The following AP2A2 variants were observed in gnomAD, a reference collection of about 807,000 sequenced individuals.
AP2A2 encodes the protein AP-2 complex subunit alpha-2.
Under a neutral mutation model 104.2 loss-of-function variants are expected in AP2A2, and 32 were observed. The ratio of observed to expected loss-of-function variants is 0.31; its 90% CI spans 0.23 to 0.41. The LOEUF is 0.41. Ranked by LOEUF, AP2A2 falls within the 10% of genes least tolerant of loss-of-function variation. The probability of loss-of-function intolerance (pLI) is 1.00; values close to 1 mark genes in which losing one functional copy is unlikely to be tolerated. For synonymous variants in AP2A2, 539 were observed against 533.3 expected (o/e 1.01, Z -0.15); for missense variants, 912 against 1,261.0 (o/e 0.72, Z 4.19).
In AP2A2 at chr11:1,011,620, AGT is replaced by A. The variant is rs1350265499; in HGVS notation, c.*997_*998del. 1.0e-5 allele frequency: 4 copies of A among 397,054 alleles called. No homozygotes were observed. The highest frequency in any genetic ancestry group is 2.0e-5 in the Non-Finnish European group (4 of 197,054). 24.6% of individuals were successfully genotyped at this position (397,054 alleles called of 1,614,324 possible). On this transcript the variant is annotated 3_prime_UTR_variant, in exon 22 of 22. Transcript: ENST00000448903. ...ACGTCTGACACCTGAGAGGCGAGAGAGTGGGGCCGGCCTAGGAGCCAAGGCTG... is the reference window on the plus strand; with the variant it reads ...ACGTCTGACACCTGAGAGGCGAGAGAGGGGCCGGCCTAGGAGCCAAGGCTG...
Position 925,981 on chromosome 11 carries a change from G to C in AP2A2, c.-41G>C. On this transcript the variant is annotated 5_prime_UTR_variant, in exon 1 of 22. Transcript: ENST00000448903. ...CGCTTCCCGCTCCCCGCGCTCCTCC[G>C]CCCGGGTCCGCCAGCCGAGGCCGCT... 2.2e-6 allele frequency: 3 copies of C among 1,377,318 alleles called. No individual in the cohort carries two copies. Among genetic ancestry groups the C allele is most frequent in the Non-Finnish European group, 2.9e-6 (3 of 1,048,918 alleles). 85.3% of individuals were successfully genotyped at this position (1,377,318 alleles called of 1,614,324 possible).
chr11:947,131 C>T (rs1305391557), intron 1 of AP2A2, among the ~76,000 whole-genome samples: 3 of 151,724 alleles, frequency 2.0e-5, no homozygotes, highest in African/African-American at 7.3e-5. Flanking sequence ...CTGCCTTAGC[C>T]TTTTGAGTAG....
chr11:940,575 C>A (rs564388483), intron 1 of AP2A2, among the ~76,000 whole-genome samples: 1 of 152,286 alleles, frequency 6.6e-6, no homozygotes, highest in South Asian at 2.1e-4. Context: ...ACCCAAGTGC[C>A]CCTTTTTTGG....
rs1192478453 is a variant in AP2A2 at position 1,011,513 on chromosome 11, A to G, written c.*888A>G. The G allele has an allele frequency of 4.1e-6, 2 of 492,162 alleles. No individual in the cohort carries two copies. The highest frequency in any genetic ancestry group is 1.5e-5 in the South Asian group (1 of 68,032). 30.5% of individuals were successfully genotyped at this position (492,162 alleles called of 1,614,324 possible). ...GAGGGACGCCTCTGTGTGGTCAGGA[A>G]GTGAAGGGGCCATTGGCCGCATGCC... On this transcript the variant is annotated 3_prime_UTR_variant, in exon 22 of 22. Coordinates refer to ENST00000448903, the MANE Select transcript of AP2A2 (RefSeq NM_012305.4).
At chr11:927,215 CCAT>C (rs1272575449) in intron 1 of AP2A2, among the ~76,000 whole-genome samples, 1 of 150,506 alleles carries the variant, frequency 6.6e-6, no homozygotes, top group Non-Finnish European at 1.5e-5. Context: ...TGCACCACCA[CCAT>C]GCCTGGCTGA....
intron 6 of AP2A2, among the ~76,000 whole-genome samples, chr11:983,641 T>C (rs75235548): frequency 0.038 from 5,774 of 152,030 alleles, 136 homozygotes; most frequent in African/African-American, 0.058. Context: ...CCTTGGCCTC[T>C]CAAAGTGCTG....
chr11:956,349 G>C (rs1431758154), intron 1 of AP2A2, among the ~76,000 whole-genome samples: 2 of 152,094 alleles, frequency 1.3e-5, no homozygotes, highest in African/African-American at 4.8e-5. Flanking sequence ...TTTTAGTAGA[G>C]ACGGGGTTTC....
intron 10 of AP2A2, among the ~76,000 whole-genome samples, chr11:990,280 C>T (rs570692453): frequency 7.9e-5 from 12 of 152,254 alleles, no homozygotes; most frequent in East Asian, 3.9e-4. Flanking sequence ...GGGCAGGCAC[C>T]GTGGTGTAGG....
intron 1 of AP2A2, chr11:956,860 C>G (rs1168443717): frequency 1.3e-5 from 2 of 152,216 alleles, no homozygotes; most frequent in Non-Finnish European, 2.9e-5. Context: ...CACTACAACA[C>G]AGAAGACTTC....
chr11:928,132 C>T (rs762586722), intron 1 of AP2A2, among the ~76,000 whole-genome samples: 5 of 152,178 alleles, frequency 3.3e-5, no homozygotes, highest in South Asian at 2.1e-4. Context: ...GACAGGATGG[C>T]GCCTACCACA....
intron 2 of AP2A2, among the ~76,000 whole-genome samples, chr11:966,493 G>A (rs1403324181): frequency 1.3e-5 from 2 of 152,194 alleles, no homozygotes; most frequent in African/African-American, 4.8e-5. Flanking sequence ...GGGAGACCTT[G>A]TCTCCAGACA....
At chr11:999,826 T>C (rs1457947720) in intron 14 of AP2A2, among the ~76,000 whole-genome samples, 11 of 142,374 alleles carry the variant, frequency 7.7e-5, no homozygotes, top group Non-Finnish European at 1.4e-4. Flanking sequence ...TTTTTTGAGA[T>C]GGAGTCTCGC....
intron 1 of AP2A2, among the ~76,000 whole-genome samples, chr11:943,787 G>A (rs540979778): frequency 4.5e-5 from 6 of 134,188 alleles, no homozygotes; most frequent in African/African-American, 1.4e-4. Flanking sequence ...AGAGAGTCCC[G>A]ACCGGAGACG....
At chr11:963,120 G>A (rs764228057) in intron 2 of AP2A2, among the ~76,000 whole-genome samples, 2 of 151,554 alleles carry the variant, frequency 1.3e-5, no homozygotes, top group African/African-American at 4.9e-5. Flanking sequence ...CTAAAATTTC[G>A]TTGTAATCAA....
At chr11:936,576 T>C (rs1279602888) in intron 1 of AP2A2, among the ~76,000 whole-genome samples, 1 of 151,882 alleles carries the variant, frequency 6.6e-6, no homozygotes, top group African/African-American at 2.4e-5. Context: ...TTTGTAGAAA[T>C]GGGGTCTTGC....
intron 1 of AP2A2, among the ~76,000 whole-genome samples, chr11:944,805 T>C (rs1266385353): frequency 7.2e-6 from 1 of 139,830 alleles, no homozygotes; most frequent in Non-Finnish European, 1.5e-5. Context: ...GGATGACTGC[T>C]GCACGGAAGA....
At chr11:956,849 CCACTACAA>C (rs1253509163) in intron 1 of AP2A2, 1 of 152,158 alleles carries the variant, frequency 6.6e-6, no homozygotes, top group African/African-American at 2.4e-5. Flanking sequence ...CTCTGCTGTC[CCACTACAA>C]CACAGAAGAC....
chr11:949,756 CAG>C (rs758992717), intron 1 of AP2A2, among the ~76,000 whole-genome samples: 19 of 103,712 alleles, frequency 1.8e-4, no homozygotes, highest in Admixed American at 7.4e-4. Context: ...GCCTGGGTGA[CAG>C]AGAGAGACTC....
At chr11:987,012 G>A in intron 9 of AP2A2, 59 bp downstream of exon 9, 1 of 1,525,608 alleles carries the variant, frequency 6.6e-7, no homozygotes, top group Non-Finnish European at 8.9e-7. Flanking sequence ...GGGTCTTCCT[G>A]TGAAGGCTGG....
Sources: allele counts gnomAD v4.1 joint callset (sites outside exome capture counted in the v4.1 genomes callset), GRCh38; gene constraint gnomAD v4.1.1; transcripts MANE v1.5; gene names NCBI Gene and HGNC (gene_info 2026-07-23, HGNC 2026-07-21).